The following FSHR variants were observed in gnomAD, a reference collection of about 807,000 sequenced individuals.
FSHR encodes the protein follicle stimulating hormone receptor, also known as follicle-stimulating hormone receptor.
In FSHR, 46 loss-of-function variants were observed where a neutral mutation model predicts 52.1. The observed-to-expected ratio is 0.88, with a 90% CI of 0.70 to 1.13. FSHR has a LOEUF of 1.13. FSHR is among the 50% of genes most tolerant of loss of function. The pLI, the probability that FSHR is intolerant of heterozygous loss-of-function variation, is 0.00. For missense variants in FSHR, 964 were observed against 834.6 expected (o/e 1.16, Z -1.91); for synonymous variants, 399 against 309.6 (o/e 1.29, Z -3.03).
At chr2:48,984,913 T>G (rs1675419310) in intron 6 of FSHR, among the ~76,000 whole-genome samples, 1 of 152,200 alleles carries the variant, frequency 6.6e-6, no homozygotes, top group South Asian at 2.1e-4. Flanking sequence ...CAGATACCAT[T>G]ATATGGGGAG....
intron 3 of FSHR, among the ~76,000 whole-genome samples, chr2:49,019,525 C>T (rs953423714): frequency 1.3e-5 from 2 of 152,106 alleles, no homozygotes; most frequent in Non-Finnish European, 2.9e-5. Flanking sequence ...GTAGAGGAAC[C>T]AAGGATCATT....
chr2:49,065,388 G>C (rs1030850695), intron 2 of FSHR, among the ~76,000 whole-genome samples: 2 of 152,030 alleles, frequency 1.3e-5, no homozygotes, highest in Admixed American at 6.6e-5. Context: ...ATGAGAAGAG[G>C]ACTGGATATC....
At chr2:48,979,909 C>T (rs189108212) in intron 8 of FSHR, among the ~76,000 whole-genome samples, 97 of 152,274 alleles carry the variant, frequency 6.4e-4, no homozygotes, top group Admixed American at 1.4e-3. Flanking sequence ...GAATAGCCTA[C>T]GCATACTCCT....
chr2:48,982,286 G>C (rs1675285799), intron 8 of FSHR, among the ~76,000 whole-genome samples: 2 of 152,134 alleles, frequency 1.3e-5, no homozygotes, highest in African/African-American at 4.8e-5. Flanking sequence ...CACTTTTGGA[G>C]GGAAAGATGG....
At chr2:49,112,538 A>G (rs1671458404) in intron 1 of FSHR, among the ~76,000 whole-genome samples, 1 of 152,202 alleles carries the variant, frequency 6.6e-6, no homozygotes, top group Admixed American at 6.5e-5. Context: ...AAAAATTTCA[A>G]AACAAAATGC....
intron 2 of FSHR, among the ~76,000 whole-genome samples, chr2:49,058,974 TG>T (rs1329967567): frequency 5.3e-5 from 8 of 152,154 alleles, no homozygotes; most frequent in African/African-American, 1.9e-4. Context: ...TTTGGGTGAT[TG>T]GGGCAGAATG....
At chr2:49,009,624 G>A (rs1250861642) in intron 4 of FSHR, among the ~76,000 whole-genome samples, 1 of 149,914 alleles carries the variant, frequency 6.7e-6, no homozygotes, top group African/African-American at 2.5e-5. Context: ...GGGCAGTATG[G>A]CCATTTTCAC....
chr2:49,063,138 G>A (rs1028711784), intron 2 of FSHR, among the ~76,000 whole-genome samples: 3 of 152,254 alleles, frequency 2.0e-5, no homozygotes, highest in African/African-American at 4.8e-5. Context: ...GGTACCAAGA[G>A]CTTTCAAAGG....
intron 8 of FSHR, among the ~76,000 whole-genome samples, chr2:48,981,045 G>T (rs1305247791): frequency 1.3e-5 from 2 of 152,080 alleles, no homozygotes; most frequent in East Asian, 1.9e-4. Context: ...GCTATTGTGG[G>T]GATCAAAGAC....
chr2:49,082,257 G>A (rs558810218), intron 1 of FSHR, among the ~76,000 whole-genome samples: 16 of 152,182 alleles, frequency 1.1e-4, no homozygotes, highest in African/African-American at 3.4e-4. Flanking sequence ...ACACAGCCGG[G>A]TACTCCAACA....
intron 8 of FSHR, among the ~76,000 whole-genome samples, chr2:48,976,552 G>C (rs532998649): frequency 1.3e-5 from 2 of 152,332 alleles, no homozygotes; most frequent in South Asian, 4.1e-4. Flanking sequence ...GTTTCAGAAG[G>C]AATGGTACCA....
chr2:48,995,858 C>T (rs1164024301), intron 4 of FSHR, among the ~76,000 whole-genome samples: 1 of 151,752 alleles, frequency 6.6e-6, no homozygotes, highest in Non-Finnish European at 1.5e-5. Flanking sequence ...TTTTTTTTTA[C>T]CTCTGTTCCA....
rs117412726 is a variant in FSHR, at chr2:49,092,094, A to G, written c.153-23804T>C. Among the ~76,000 whole-genome samples, 157 of 152,314 alleles carry G rather than the reference A, an allele frequency of 1.0e-3. 1 individual carries two copies. In the East Asian group the frequency reaches 0.027, roughly 26 times the overall value. ...AGGATACAGATCCTGTATCTATTTT[A>G]TTAGGTTTACAACTAAGTATTTCAA... On this transcript the variant is annotated intron_variant, in intron 1 of 9. Transcript: ENST00000406846.
intron 2 of FSHR, among the ~76,000 whole-genome samples, chr2:49,065,885 G>C (rs1669486076): frequency 6.6e-6 from 1 of 152,094 alleles, no homozygotes; most frequent in Admixed American, 6.6e-5. Context: ...GGAGAGTGTG[G>C]TATCCCAGAA....
At chr2:49,067,202 C>G (rs1461943058) in intron 2 of FSHR, among the ~76,000 whole-genome samples, 1 of 152,078 alleles carries the variant, frequency 6.6e-6, no homozygotes, top group Non-Finnish European at 1.5e-5. Flanking sequence ...TATATTAAAA[C>G]TAGCACTGAA....
chr2:49,130,351 G>T (rs1351430707), intron 1 of FSHR, among the ~76,000 whole-genome samples: 1 of 152,076 alleles, frequency 6.6e-6, no homozygotes, highest in African/African-American at 2.4e-5. Flanking sequence ...GGGGTAAATC[G>T]CTTAATCTCA....
intron 4 of FSHR, among the ~76,000 whole-genome samples, chr2:48,993,388 G>T (rs1675872251): frequency 6.6e-6 from 1 of 152,088 alleles, no homozygotes; most frequent in Non-Finnish European, 1.5e-5. Flanking sequence ...GACAGTTAAA[G>T]TTGGCTTGGC....
At chr2:49,051,928 C>T (rs1261808114) in intron 2 of FSHR, among the ~76,000 whole-genome samples, 1 of 152,026 alleles carries the variant, frequency 6.6e-6, no homozygotes, top group Admixed American at 6.6e-5. Context: ...GTTGATTCAG[C>T]ATCATTTGTG....
At chr2:49,003,709 A>G (rs1175976805) in intron 4 of FSHR, among the ~76,000 whole-genome samples, 2 of 152,134 alleles carry the variant, frequency 1.3e-5, no homozygotes, top group African/African-American at 4.8e-5. Context: ...CCAGGTTTCT[A>G]TAAAAGAAAA....
Sources: allele counts gnomAD v4.1 joint callset (sites outside exome capture counted in the v4.1 genomes callset), GRCh38; gene constraint gnomAD v4.1.1; transcripts MANE v1.5; gene names NCBI Gene and HGNC (gene_info 2026-07-23, HGNC 2026-07-21).